Variants in ZNF410 observed in about 807,000 individuals in gnomAD.
ZNF410 encodes the protein another partner for ARF 1.
ZNF410 carries 18 observed loss-of-function variants against 54.8 expected under a neutral mutation model. That is an observed-to-expected ratio of 0.33 (90% confidence interval 0.23 to 0.49). The LOEUF (loss-of-function observed/expected upper bound fraction) is 0.49, where lower values mean the gene tolerates loss of function less well. Ranked by LOEUF, ZNF410 falls within the 20% of genes least tolerant of loss-of-function variation. ZNF410 has a pLI of 0.99. For synonymous variants in ZNF410, 191 were observed against 207.3 expected, an observed-to-expected ratio of 0.92 and a Z score of 0.68; for missense variants, 405 against 569.6, an observed-to-expected ratio of 0.71 and a Z score of 2.94.
intron 11 of ZNF410, among the ~76,000 whole-genome samples, chr14:73,925,144 T>TATTC (rs34809064): frequency 0.6 from 91,288 of 151,584 alleles, 28,384 homozygotes; most frequent in South Asian, 0.72. Context: ...CTTTTCTTTT[T>TATTC]ATTGTTGTGA....
At chr14:73,914,094 G>C (rs2055626898) in intron 8 of ZNF410, 2 of 152,068 alleles carry the variant, frequency 1.3e-5, no homozygotes, top group Admixed American at 1.3e-4. Context: ...TTGGAGTGCA[G>C]TGGCATGATC....
At chr14:73,888,530 T>C (rs72627117) in intron 1 of ZNF410, among the ~76,000 whole-genome samples, 23,317 of 152,136 alleles carry the variant, frequency 0.15, 2,354 homozygotes, top group East Asian at 0.49. Context: ...TGATGAAATA[T>C]TGTAAAATTG....
intron 1 of ZNF410, 133 bp from the exon 2 acceptor site, chr14:73,891,894 A>G (rs2055235656): frequency 1.7e-6 from 1 of 601,352 alleles, no homozygotes; most frequent in African/African-American, 1.9e-5. Context: ...ATTTTAAAAG[A>G]AGTGTTTCGG....
At chr14:73,923,636 T>C in intron 11 of ZNF410, 114 bp downstream of exon 11, 1 of 1,379,774 alleles carries the variant, frequency 7.2e-7, no homozygotes, top group Non-Finnish European at 9.9e-7. Flanking sequence ...TTGGCACGAA[T>C]ATTTTCCTTT....
At position 73,931,956 on chromosome 14, in the gene ZNF410, C is replaced by G. The variant is rs1233844563; in HGVS notation, c.*415C>G. ...CCTGCTACCAACAACAGAGCTTCAC[C>G]AGGAAGTTGAGTTTTCAAGATGCCT... On this transcript the variant is annotated 3_prime_UTR_variant, in exon 12 of 12. Transcript: ENST00000555044. 2 of 456,900 alleles carry G rather than the reference C, an allele frequency of 4.4e-6. No individual in the cohort carries two copies. The highest frequency in any genetic ancestry group is 3.1e-5 in the South Asian group (2 of 64,526). 28.3% of individuals were successfully genotyped at this position (456,900 alleles called of 1,614,324 possible).
At chr14:73,918,424 C>A (rs1407252583) in intron 8 of ZNF410, among the ~76,000 whole-genome samples, 3 of 151,820 alleles carry the variant, frequency 2.0e-5, no homozygotes, top group Non-Finnish European at 4.4e-5. Context: ...TTTATTTTTT[C>A]TGAATATTTT....
chr14:73,911,225 G>C (rs2055572771), intron 8 of ZNF410, among the ~76,000 whole-genome samples: 1 of 152,176 alleles, frequency 6.6e-6, no homozygotes, highest in Non-Finnish European at 1.5e-5. Flanking sequence ...AATAGGTGAT[G>C]GAGGTTAATC....
rs1469465808 is a variant in ZNF410, at chr14:73,922,047, C to A, written c.1130-19C>A. ...AGCCTTGATTGCTGTATGTCTCTCA[C>A]AACCTATTCTCTGTGCAGCTGAGCC... On this transcript the variant is annotated intron_variant, in intron 9 of 11. Coordinates refer to ENST00000555044, the MANE Select transcript of ZNF410 (RefSeq NM_021188.3). 6.2e-7 allele frequency: 1 copy of A among 1,613,210 alleles called. No individual in the cohort carries two copies. The highest frequency in any genetic ancestry group is 8.5e-7 in the Non-Finnish European group (1 of 1,179,494).
At chr14:73,888,611 A>T (rs1439114985) in intron 1 of ZNF410, among the ~76,000 whole-genome samples, 1 of 152,222 alleles carries the variant, frequency 6.6e-6, no homozygotes, top group African/African-American at 2.4e-5. Flanking sequence ...ATGAGTCAAT[A>T]GTATGGTATG....
intron 1 of ZNF410, among the ~76,000 whole-genome samples, chr14:73,890,811 G>T (rs556109837): frequency 6.6e-6 from 1 of 152,090 alleles, no homozygotes; most frequent in Non-Finnish European, 1.5e-5. Flanking sequence ...TTGGGAGTTC[G>T]AGACCAGCCT....
intron 5 of ZNF410, among the ~76,000 whole-genome samples, chr14:73,901,933 CAAA>C (rs200015374): frequency 7.9e-6 from 1 of 126,340 alleles, no homozygotes; most frequent in Admixed American, 8.1e-5. Flanking sequence ...GACCCTGTCT[CAAA>C]AAAAAAAAAA....
chr14:73,899,438 T>G (rs889274185), intron 5 of ZNF410, among the ~76,000 whole-genome samples: 6 of 152,082 alleles, frequency 3.9e-5, no homozygotes, highest in Non-Finnish European at 5.9e-5. Flanking sequence ...TCAAAATACT[T>G]AGTTCTGTTT....
intron 11 of ZNF410, among the ~76,000 whole-genome samples, chr14:73,929,679 A>G (rs1026103462): frequency 6.6e-6 from 1 of 152,034 alleles, no homozygotes; most frequent in Non-Finnish European, 1.5e-5. Context: ...TCTACAAAAA[A>G]TAAAATAAAA....
In ZNF410 at chr14:73,903,832, AC is replaced by A. The variant is rs567525798; in HGVS notation, c.581-127del. 1.0e-5 allele frequency: 13 copies of A among 1,265,010 alleles called. No homozygotes were observed. The South Asian group carries it at 1.9e-4, about 18-fold the overall frequency. 78.4% of individuals were successfully genotyped at this position (1,265,010 alleles called of 1,614,324 possible). On this transcript the variant is annotated intron_variant, in intron 5 of 11. Transcript: ENST00000555044. ...CTGCTGTTAAGTGCATACAAAGATA[AC>A]TGGGGAAGATGAAGATAGATACCTG...
chr14:73,904,426 A>G (rs771263857), intron 6 of ZNF410, among the ~76,000 whole-genome samples: 5 of 152,152 alleles, frequency 3.3e-5, no homozygotes, highest in Non-Finnish European at 7.3e-5. Context: ...CTATGAGATC[A>G]GTTTAAGGGG....
intron 8 of ZNF410, 125 bp downstream of exon 8, chr14:73,909,555 C>T (rs1438978586): frequency 5.7e-6 from 4 of 700,328 alleles, no homozygotes; most frequent in African/African-American, 1.8e-5. Context: ...GAAAGCTTCT[C>T]ATCATCATGA....
chr14:73,901,116 G>A (rs921517531), intron 5 of ZNF410, among the ~76,000 whole-genome samples: 8 of 152,146 alleles, frequency 5.3e-5, no homozygotes, highest in East Asian at 1.9e-4. Flanking sequence ...ATACAGAAAC[G>A]TTTTAATTTT....
intron 9 of ZNF410, chr14:73,921,439 A>G: frequency 5.3e-6 from 1 of 187,612 alleles, no homozygotes; most frequent in Non-Finnish European, 1.1e-5. Context: ...CAAGCATTTG[A>G]GTAACACAGT....
Position 73,910,931 on chromosome 14 carries a change from T to TCA in ZNF410, c.1003+1504_1003+1505dup, listed in dbSNP as rs1352237408. On this transcript the variant is annotated intron_variant, in intron 8 of 11. Coordinates refer to ENST00000555044, the MANE Select transcript of ZNF410 (RefSeq NM_021188.3). ...GGGGCTTTCCAGTTGTCAGGCTGAC[T>TCA]CACATATTTATAAGAGGGGTTAGAA... Among the ~76,000 whole-genome samples the TCA allele has an allele frequency of 2.1e-5, 3 of 146,060 alleles. No individual in the cohort carries two copies. In the East Asian group the frequency reaches 5.9e-4, roughly 29 times the overall value.
Sources: gnomAD v4.1 joint callset for allele counts (sites outside exome capture counted in the v4.1 genomes callset) on GRCh38, gnomAD v4.1.1 for gene constraint, MANE v1.5 for transcripts, NCBI Gene and HGNC (gene_info 2026-07-23, HGNC 2026-07-21) for gene names.